Variants in LPP observed in about 807,000 individuals in gnomAD.
LPP encodes lipoma-preferred partner.
A neutral mutation model predicts 60.4 loss-of-function variants in LPP; 38 were observed. That is an observed-to-expected ratio of 0.63 (90% CI 0.49 to 0.83). LPP has a LOEUF of 0.83. Among genes scored for constraint, LPP ranks in the 40% least tolerant of loss-of-function variants. LPP has a pLI of 0.00. For synonymous variants in LPP, 328 were observed against 290.8 expected (o/e 1.13, Z -1.30); for missense variants, 902 against 783.6 (o/e 1.15, Z -1.80).
chr3:188,811,173 C>T lies in LPP; in HGVS notation c.1410+50891C>T, dbSNP rs190680505. ...GAAGTATAACTCATAGAAAAGTGTA[C>T]CTATCTTAAGTGGCCATAGGATATC... On this transcript the variant is annotated intron_variant, in intron 9 of 11. Transcript: ENST00000617246. Among the ~76,000 whole-genome samples the T allele has an allele frequency of 9.3e-4, 141 of 151,806 alleles. 5 individuals carry two copies. Among genetic ancestry groups the T allele is most frequent in the Admixed American group, 9.2e-4 (14 of 15,234 alleles).
At chr3:188,656,905 G>A (rs531931904) in intron 7 of LPP, among the ~76,000 whole-genome samples, 50 of 152,260 alleles carry the variant, frequency 3.3e-4, no homozygotes, top group African/African-American at 1.1e-3. Flanking sequence ...AGTAAATTAT[G>A]AAGTGAGAAT....
intron 9 of LPP, among the ~76,000 whole-genome samples, chr3:188,762,482 A>G (rs143028308): frequency 2.9e-4 from 44 of 152,336 alleles, no homozygotes; most frequent in African/African-American, 9.9e-4. Flanking sequence ...ATAACCTTTC[A>G]GACATACTCC....
chr3:188,386,005 C>T (rs765012610), intron 3 of LPP, among the ~76,000 whole-genome samples: 4 of 152,016 alleles, frequency 2.6e-5, no homozygotes, highest in Non-Finnish European at 4.4e-5. Flanking sequence ...GACTCCTAGT[C>T]CCACCATTTT....
intron 7 of LPP, among the ~76,000 whole-genome samples, chr3:188,682,166 A>G (rs1167899220): frequency 6.6e-6 from 1 of 152,164 alleles, no homozygotes; most frequent in East Asian, 1.9e-4. Flanking sequence ...CAAGATTTGA[A>G]TTCAGGTTTT....
At chr3:188,212,255 A>C (rs1711554878) in intron 1 of LPP, among the ~76,000 whole-genome samples, 1 of 152,182 alleles carries the variant, frequency 6.6e-6, no homozygotes, top group Non-Finnish European at 1.5e-5. Context: ...TCTCCCCTCC[A>C]CCAAATTAAT....
intron 6 of LPP, among the ~76,000 whole-genome samples, chr3:188,592,557 G>GTTTTTTTTTGTTTTTTTTTTTTTTTTTTT (rs1553936333): frequency 1.2e-5 from 1 of 85,756 alleles, no homozygotes; most frequent in Non-Finnish European, 2.3e-5. Context: ...TTTTGTTTTT[G>GTTTTTTTTTGTTTTTTTTTTTTTTTTTTT]TTTTTTAAAT....
chr3:188,173,645 G>A (rs563607280), intron 1 of LPP, among the ~76,000 whole-genome samples: 1 of 152,310 alleles, frequency 6.6e-6, no homozygotes, highest in Admixed American at 6.5e-5. Context: ...TGCGGATGAA[G>A]TCGAGCAGGA....
Position 188,335,937 on chromosome 3 carries a change from G to A in LPP, c.-66-5726G>A, listed in dbSNP as rs551569892. 3.9e-5 allele frequency among the ~76,000 whole-genome samples: 6 copies of A among 152,256 alleles called. No homozygotes were observed. In the East Asian group the frequency reaches 1.2e-3, roughly 29 times the overall value. ...GTGTTACAGTTGGGAGGGGTGTGAT[G>A]ACTTTGTTTCTGAATAGATGCAGTG... is the stretch of plus-strand genomic sequence containing the variant. On this transcript the variant is annotated intron_variant, in intron 2 of 11. Coordinates refer to ENST00000617246, the MANE Select transcript of LPP (RefSeq NM_001375462.1).
intron 9 of LPP, among the ~76,000 whole-genome samples, chr3:188,780,250 T>A (rs1739211583): frequency 6.6e-6 from 1 of 152,176 alleles, no homozygotes; most frequent in Admixed American, 6.5e-5. Flanking sequence ...CTTAGTAACA[T>A]TGAAATCAAA....
At chr3:188,757,897 T>TTTTTTTTG (rs1560164475) in intron 8 of LPP, among the ~76,000 whole-genome samples, 6 of 144,266 alleles carry the variant, frequency 4.2e-5, no homozygotes, top group Non-Finnish European at 9.0e-5. Flanking sequence ...TGGTTTTTTT[T>TTTTTTTTG]TTTTTTTTTT....
intron 1 of LPP, among the ~76,000 whole-genome samples, chr3:188,216,163 A>G (rs1713477420): frequency 6.6e-6 from 1 of 152,130 alleles, no homozygotes; most frequent in Non-Finnish European, 1.5e-5. Context: ...CAGAATATAT[A>G]GATATGTGGC....
chr3:188,351,572 C>T (rs12629468), intron 3 of LPP, among the ~76,000 whole-genome samples: 20,773 of 152,212 alleles, frequency 0.14, 1,574 homozygotes, highest in East Asian at 0.25. Context: ...TGTTATGTGA[C>T]AGGCCTTGTG....
At chr3:188,317,937 G>C (rs1755596731) in intron 2 of LPP, among the ~76,000 whole-genome samples, 1 of 152,164 alleles carries the variant, frequency 6.6e-6, no homozygotes, top group Admixed American at 6.5e-5. Context: ...GGAGACAAGA[G>C]AAGAAAGTAG....
chr3:188,478,353 A>AT (rs773062266), intron 4 of LPP, among the ~76,000 whole-genome samples: 17 of 151,982 alleles, frequency 1.1e-4, no homozygotes, highest in Admixed American at 7.2e-4. Flanking sequence ...GTCAGAACCA[A>AT]TTTTTTTTCA....
chr3:188,458,994 T>C (rs749158502), intron 4 of LPP, among the ~76,000 whole-genome samples: 12 of 152,170 alleles, frequency 7.9e-5, no homozygotes, highest in Non-Finnish European at 1.5e-4. Flanking sequence ...TGATCTACTA[T>C]AGTTAACAAG....
At chr3:188,752,207 G>A (rs1195309855) in intron 8 of LPP, among the ~76,000 whole-genome samples, 1 of 152,190 alleles carries the variant, frequency 6.6e-6, no homozygotes, top group Non-Finnish European at 1.5e-5. Context: ...GAGAAGCCTA[G>A]AAAAGGTTAC....
intron 5 of LPP, among the ~76,000 whole-genome samples, chr3:188,503,345 T>A (rs752580186): frequency 6.6e-6 from 1 of 152,184 alleles, no homozygotes; most frequent in Non-Finnish European, 1.5e-5. Context: ...TTTCTTAAAT[T>A]GTAGAAAACA....
chr3:188,482,854 G>A (rs13067162), intron 4 of LPP, among the ~76,000 whole-genome samples: 21,677 of 152,136 alleles, frequency 0.14, 2,040 homozygotes, highest in East Asian at 0.28. Flanking sequence ...GTAACAACAT[G>A]CAGTGGTTAT....
chr3:188,393,984 G>A (rs79788357), intron 3 of LPP, among the ~76,000 whole-genome samples: 1,554 of 152,212 alleles, frequency 0.01, 29 homozygotes, highest in African/African-American at 0.035. Flanking sequence ...AAATGCCCCT[G>A]TAATGGTTTT....
Sources: gnomAD v4.1 joint callset for allele counts (sites outside exome capture counted in the v4.1 genomes callset) on GRCh38, gnomAD v4.1.1 for gene constraint, MANE v1.5 for transcripts, NCBI Gene and HGNC (gene_info 2026-07-23, HGNC 2026-07-21) for gene names.